The following SIPA1L1 variants were observed in gnomAD, a reference collection of about 807,000 sequenced individuals.
The protein encoded by SIPA1L1 is signal induced proliferation associated 1 like 1.
A neutral mutation model predicts 162.7 loss-of-function variants in SIPA1L1; 26 were observed. The ratio of observed to expected loss-of-function variants is 0.16; its 90% CI spans 0.12 to 0.22. The LOEUF is 0.22. Among genes scored for constraint, SIPA1L1 ranks in the 10% least tolerant of loss-of-function variants. The pLI, the probability that SIPA1L1 is intolerant of heterozygous loss-of-function variation, is 1.00. For missense variants in SIPA1L1, 1,874 were observed against 2,241.0 expected (o/e 0.84, Z 3.31); for synonymous variants, 829 against 837.4 (o/e 0.99, Z 0.17).
intron 4 of SIPA1L1, among the ~76,000 whole-genome samples, chr14:71,564,903 A>G (rs1305449805): frequency 6.6e-6 from 1 of 152,280 alleles, no homozygotes; most frequent in East Asian, 1.9e-4. Flanking sequence ...TTACTTTTCC[A>G]TACTTTAATT....
intron 2 of SIPA1L1, chr14:71,330,634 T>C: frequency 3.3e-6 from 3 of 908,938 alleles, no homozygotes; most frequent in Non-Finnish European, 5.6e-6. Flanking sequence ...GGGCGGAAAC[T>C]GGGTCAACTC....
intron 4 of SIPA1L1, among the ~76,000 whole-genome samples, chr14:71,553,745 T>C (rs2146328645): frequency 6.6e-6 from 1 of 152,374 alleles, no homozygotes; most frequent in South Asian, 2.1e-4. Flanking sequence ...GTAGGGCTAC[T>C]CTACATCATA....
chr14:71,419,367 G>C (rs2140518670), intron 2 of SIPA1L1, among the ~76,000 whole-genome samples: 1 of 150,256 alleles, frequency 6.7e-6, no homozygotes, highest in Admixed American at 6.6e-5. Context: ...ATAAATATCT[G>C]TCTTTGTGTA....
rs769376867 is a variant in SIPA1L1 at position 71,739,046 on chromosome 14, C to T, written c.5237C>T (p.Ala1746Val). The T allele has an allele frequency of 1.4e-5, 22 of 1,613,708 alleles. No individual in the cohort carries two copies. The highest frequency in any genetic ancestry group is 1.6e-4 in the Middle Eastern group (1 of 6,084). Residue 1746 changes from alanine to valine, a missense_variant, in exon 24 of 24, where the codon GCG becomes GTG. Around this residue, in one of 5 missense-constraint regions of SIPA1L1, gnomAD observed 936 missense variants for 1,051.9 expected, o/e 0.89. Coordinates refer to ENST00000381232, the MANE Select transcript of SIPA1L1 (RefSeq NM_001386936.1). ...AAAGAAGACAAAGCTCACCTTCAGG[C>T]GGAGGTGCAGCACCTGCGAGAGGAC... ...KEKEDKAHLQAEVQHLREDNL... is the reference protein window; with the variant it reads ...KEKEDKAHLQVEVQHLREDNL...
At chr14:71,569,140 A>G (rs1381545582) in intron 4 of SIPA1L1, among the ~76,000 whole-genome samples, 1 of 44,222 alleles carries the variant, frequency 2.3e-5, no homozygotes, top group Non-Finnish European at 3.6e-5. Flanking sequence ...CTCAAGGAAT[A>G]TAAAAAAAAT....
intron 2 of SIPA1L1, among the ~76,000 whole-genome samples, chr14:71,496,593 T>C (rs976591438): frequency 6.6e-6 from 1 of 152,248 alleles, no homozygotes; most frequent in African/African-American, 2.4e-5. Flanking sequence ...AAGTTTTCTA[T>C]AGATGTCAGT....
chr14:71,671,086 C>T, intron 10 of SIPA1L1, 33 bp from the exon 11 acceptor site: 1 of 1,496,704 alleles, frequency 6.7e-7, no homozygotes, highest in Non-Finnish European at 9.1e-7. Context: ...CTGAGAAATA[C>T]TGACGTGGCT....
At chr14:71,590,021 TAAAAAAAAAAAA>T (rs200463823) in intron 5 of SIPA1L1, among the ~76,000 whole-genome samples, 7,245 of 84,538 alleles carry the variant, frequency 0.086, 345 homozygotes, top group East Asian at 0.21. Context: ...AGTGGGAGAG[TAAAAAAAAAAAA>T]AAAAAAAAAA....
intron 2 of SIPA1L1, among the ~76,000 whole-genome samples, chr14:71,467,963 G>A (rs1567063286): frequency 6.6e-6 from 1 of 151,312 alleles, no homozygotes; most frequent in Non-Finnish European, 1.5e-5. Context: ...CACATAGTAA[G>A]GACAAATGAG....
intron 2 of SIPA1L1, among the ~76,000 whole-genome samples, chr14:71,502,749 C>T (rs550427413): frequency 6.6e-6 from 1 of 152,234 alleles, no homozygotes; most frequent in South Asian, 2.1e-4. Context: ...TAATATACTT[C>T]TCAGTTTTAT....
chr14:71,700,314 C>T (rs1241767994), intron 14 of SIPA1L1, among the ~76,000 whole-genome samples: 3 of 151,754 alleles, frequency 2.0e-5, no homozygotes, highest in East Asian at 1.9e-4. Flanking sequence ...GGAGAAGATC[C>T]GTGGAGGCTG....
intron 12 of SIPA1L1, among the ~76,000 whole-genome samples, chr14:71,675,828 G>T (rs891251092): frequency 1.3e-5 from 2 of 152,152 alleles, no homozygotes; most frequent in African/African-American, 4.8e-5. Context: ...AAGCAAGGGG[G>T]TGCGGGAGGT....
intron 2 of SIPA1L1, among the ~76,000 whole-genome samples, chr14:71,425,072 C>T (rs2043466004): frequency 6.6e-6 from 1 of 151,846 alleles, no homozygotes; most frequent in African/African-American, 2.4e-5. Context: ...CTCTTATAAG[C>T]CTTTTTATTT....
At chr14:71,372,895 T>C (rs1028936099) in intron 2 of SIPA1L1, among the ~76,000 whole-genome samples, 6 of 152,156 alleles carry the variant, frequency 3.9e-5, no homozygotes, top group Non-Finnish European at 7.3e-5. Context: ...CCTTGAGTGT[T>C]TTCTTAGGTA....
chr14:71,738,118 A>G (rs1421014639), intron 22 of SIPA1L1, 123 bp from the exon 23 acceptor site: 1 of 561,408 alleles, frequency 1.8e-6, no homozygotes, highest in Non-Finnish European at 3.1e-6. Context: ...ATACTGAGTA[A>G]TTTGACATTG....
chr14:71,472,956 C>T (rs1477650569), intron 2 of SIPA1L1, among the ~76,000 whole-genome samples: 1 of 151,728 alleles, frequency 6.6e-6, no homozygotes, highest in Non-Finnish European at 1.5e-5. Context: ...AATGATCGTC[C>T]CACCTTAGCT....
intron 2 of SIPA1L1, among the ~76,000 whole-genome samples, chr14:71,481,889 C>T (rs188860342): frequency 1.5e-4 from 23 of 152,172 alleles, no homozygotes; most frequent in Middle Eastern, 3.4e-3. Context: ...TTATAGAAAA[C>T]GATAATAAAA....
chr14:71,504,950 C>T (rs1233648431), intron 2 of SIPA1L1, among the ~76,000 whole-genome samples: 1 of 152,112 alleles, frequency 6.6e-6, no homozygotes, highest in East Asian at 1.9e-4. Flanking sequence ...CTTTTGTAGA[C>T]AAATTTGAGT....
intron 2 of SIPA1L1, among the ~76,000 whole-genome samples, chr14:71,387,425 A>G (rs927362490): frequency 7.9e-5 from 12 of 152,114 alleles, no homozygotes; most frequent in African/African-American, 2.9e-4. Context: ...GCAGTGAGCT[A>G]TGATCATGCC....
Sources: allele counts gnomAD v4.1 joint callset (sites outside exome capture counted in the v4.1 genomes callset), GRCh38; gene constraint gnomAD v4.1.1; regional missense constraint gnomAD v4.1.1; transcripts MANE v1.5; gene names NCBI Gene and HGNC (gene_info 2026-07-23, HGNC 2026-07-21).